The following EIPR1 variants were observed in gnomAD, a reference collection of about 807,000 sequenced individuals.
EIPR1 encodes the protein EARP complex and GARP complex interacting protein 1.
Under a neutral mutation model 48.1 loss-of-function variants are expected in EIPR1, and 25 were observed. That is an observed-to-expected ratio of 0.52 (90% confidence interval 0.38 to 0.73). The LOEUF (loss-of-function observed/expected upper bound fraction) is 0.73. EIPR1 is among the 30% of genes least tolerant of loss of function. The pLI, the probability that EIPR1 is intolerant of heterozygous loss-of-function variation, is 0.00. For synonymous variants in EIPR1, 204 were observed against 201.9 expected, an observed-to-expected ratio of 1.01 and a Z score of -0.09; for missense variants, 415 against 506.2, an observed-to-expected ratio of 0.82 and a Z score of 1.73.
At chr2:3,194,673 T>C (rs1664744914) in intron 6 of EIPR1, among the ~76,000 whole-genome samples, 1 of 140,862 alleles carries the variant, frequency 7.1e-6, no homozygotes, top group African/African-American at 2.7e-5. Flanking sequence ...TATAGAACTA[T>C]ATATATACAG....
intron 2 of EIPR1, among the ~76,000 whole-genome samples, chr2:3,342,472 G>T (rs1670279283): frequency 6.6e-6 from 1 of 152,258 alleles, no homozygotes; most frequent in Non-Finnish European, 1.5e-5. Flanking sequence ...AGGGCAGCAG[G>T]CGCAGCCGGG....
intron 5 of EIPR1, among the ~76,000 whole-genome samples, chr2:3,198,412 GGGA>G (rs1664884469): frequency 6.6e-6 from 1 of 152,340 alleles, no homozygotes; most frequent in South Asian, 2.1e-4. Context: ...CGCTCAGTCA[GGGA>G]GAAGAGGCCT....
intron 5 of EIPR1, among the ~76,000 whole-genome samples, chr2:3,197,507 C>A (rs1341740322): frequency 6.6e-6 from 1 of 152,202 alleles, no homozygotes; most frequent in Non-Finnish European, 1.5e-5. Flanking sequence ...ATCAGACCAC[C>A]CCAAGCCAGC....
intron 3 of EIPR1, among the ~76,000 whole-genome samples, chr2:3,283,962 AAAAGAAAG>A (rs1251927587): frequency 1.4e-5 from 2 of 142,560 alleles, no homozygotes; most frequent in African/African-American, 5.2e-5. Flanking sequence ...AAAAAAAAAA[AAAAGAAAG>A]AAAGAAAAAA....
In EIPR1 at chr2:3,342,900, C is replaced by T. The variant is rs76644038; in HGVS notation, c.127-4751G>A. On this transcript the variant is annotated intron_variant, in intron 2 of 8. Coordinates refer to ENST00000382125, the MANE Select transcript of EIPR1 (RefSeq NM_003310.5). ...TACACATCTTCATGAACTGTTTTAA[C>T]TCGGGGCTGTTCAAACAGGATGCCA... Among the ~76,000 whole-genome samples, 1,507 of 152,304 alleles carry T rather than the reference C, an allele frequency of 9.9e-3. 164 individuals carry two copies. The East Asian group carries it at 0.23, about 24-fold the overall frequency.
At chr2:3,277,298 A>C (rs1055672185) in intron 3 of EIPR1, among the ~76,000 whole-genome samples, 5 of 151,794 alleles carry the variant, frequency 3.3e-5, no homozygotes, top group Non-Finnish European at 5.9e-5. Context: ...ACACGGCTCC[A>C]CACGTGTCCT....
At chr2:3,275,234 A>G (rs1306891394) in intron 3 of EIPR1, among the ~76,000 whole-genome samples, 1 of 149,986 alleles carries the variant, frequency 6.7e-6, no homozygotes, top group Non-Finnish European at 1.5e-5. Context: ...GCAACAAAAG[A>G]AAAGCTGATT....
At chr2:3,366,581 A>G (rs563733689) in intron 1 of EIPR1, among the ~76,000 whole-genome samples, 5 of 152,326 alleles carry the variant, frequency 3.3e-5, no homozygotes, top group African/African-American at 1.2e-4. Context: ...CCACAAAACA[A>G]TAAAATCAAG....
rs1056922356 is a variant in EIPR1 at position 3,189,963 on chromosome 2, C to T, written c.990-455G>A. Among the ~76,000 whole-genome samples the T allele has an allele frequency of 2.0e-5, 3 of 152,124 alleles. No individual in the cohort carries two copies. The highest frequency in any genetic ancestry group is 7.2e-5 in the African/African-American group (3 of 41,438). ...GGGAAGCAGCGGGTCCAGCTCCTGG[C>T]TGTGTAGGAGTCAGAGGCTGGGGCA... On this transcript the variant is annotated intron_variant, in intron 8 of 8. Transcript: ENST00000382125. The surrounding 1 kb of genome is among the most constrained non-coding windows in gnomAD (Gnocchi z 4.6).
chr2:3,226,429 A>C (rs1462978443), intron 4 of EIPR1, among the ~76,000 whole-genome samples: 2 of 152,164 alleles, frequency 1.3e-5, no homozygotes, highest in African/African-American at 4.8e-5. Context: ...CTTTAGAAAA[A>C]TGTCTATTCA....
chr2:3,263,868 A>G (rs1667409957), intron 3 of EIPR1, among the ~76,000 whole-genome samples: 1 of 152,178 alleles, frequency 6.6e-6, no homozygotes, highest in Admixed American at 6.5e-5. Context: ...AAAAATGCAT[A>G]TATTTATAGT....
intron 3 of EIPR1, among the ~76,000 whole-genome samples, chr2:3,287,132 T>A (rs2103267820): frequency 6.6e-6 from 1 of 152,310 alleles, no homozygotes; most frequent in South Asian, 2.1e-4. Flanking sequence ...ACCAAGCTCG[T>A]TCACCACGCT....
intron 2 of EIPR1, among the ~76,000 whole-genome samples, chr2:3,345,077 A>G (rs1670359243): frequency 6.6e-6 from 1 of 152,134 alleles, no homozygotes; most frequent in Non-Finnish European, 1.5e-5. Context: ...TGTGCCCCAG[A>G]AGCACGTTGC....
rs1668179582 is a variant in EIPR1 at position 3,286,198 on chromosome 2, A to G, written c.260-28743T>C. On this transcript the variant is annotated intron_variant, in intron 3 of 8. Transcript: ENST00000382125. The surrounding 1 kb of genome is among the most constrained non-coding windows in gnomAD (Gnocchi z 4.2). ...GCCTGATTCCCCACCCTCAGAACCCATGAGCAGCACAAAAGGTTGTTTTTA... is the reference window on the plus strand; with the variant it reads ...GCCTGATTCCCCACCCTCAGAACCCGTGAGCAGCACAAAAGGTTGTTTTTA... Among the ~76,000 whole-genome samples the G allele has an allele frequency of 6.6e-6, 1 of 152,186 alleles. No homozygotes were observed. Among genetic ancestry groups the G allele is most frequent in the South Asian group, 2.1e-4 (1 of 4,832 alleles).
At chr2:3,257,492 C>G (rs770252237) in intron 3 of EIPR1, 37 bp from the exon 4 acceptor site, 8 of 1,608,444 alleles carry the variant, frequency 5.0e-6, no homozygotes, top group Non-Finnish European at 6.8e-6. Flanking sequence ...GTCAACAGAG[C>G]ACGGTGTGCC....
intron 3 of EIPR1, among the ~76,000 whole-genome samples, chr2:3,292,339 G>A (rs1341565494): frequency 1.3e-5 from 2 of 152,086 alleles, no homozygotes; most frequent in East Asian, 3.9e-4. Context: ...ACAGGCCCCA[G>A]ATACTTCCCC....
chr2:3,256,032 T>G (rs555041054), intron 4 of EIPR1, among the ~76,000 whole-genome samples: 2 of 152,346 alleles, frequency 1.3e-5, no homozygotes, highest in South Asian at 4.1e-4. Context: ...ACTCTTCATC[T>G]GCCTCCCCTT....
chr2:3,350,231 C>T (rs1572475098), intron 2 of EIPR1, among the ~76,000 whole-genome samples: 1 of 151,470 alleles, frequency 6.6e-6, no homozygotes, highest in South Asian at 2.1e-4. Context: ...GCTGGAGAGG[C>T]CTAAGGCAAC....
At chr2:3,375,596 T>C (rs922505865) in intron 1 of EIPR1, among the ~76,000 whole-genome samples, 1 of 152,156 alleles carries the variant, frequency 6.6e-6, no homozygotes, top group Non-Finnish European at 1.5e-5. Context: ...TGTGTATCCC[T>C]ATGTGTATCT....
Sources: gnomAD v4.1 joint callset for allele counts (sites outside exome capture counted in the v4.1 genomes callset) on GRCh38, gnomAD v4.1.1 for gene constraint, Gnocchi (gnomAD v3.1) non-coding constraint, MANE v1.5 for transcripts, NCBI Gene and HGNC (gene_info 2026-07-23, HGNC 2026-07-21) for gene names.